Variants in BRI3BP observed in about 807,000 individuals in gnomAD.
BRI3BP encodes the protein BRI3-binding protein.
In BRI3BP, 7 loss-of-function variants were observed where a neutral mutation model predicts 15.8. That is an observed-to-expected ratio of 0.44 (90% CI 0.25 to 0.83). The LOEUF (loss-of-function observed/expected upper bound fraction) is 0.83. Ranked by LOEUF, BRI3BP falls within the 40% of genes least tolerant of loss-of-function variation. The pLI is 0.20. For synonymous variants in BRI3BP, 192 were observed against 163.5 expected (o/e 1.17, Z -1.33); for missense variants, 320 against 339.3 (o/e 0.94, Z 0.45).
chr12:125,017,017 TTA>T lies in BRI3BP; in HGVS notation c.316+4383_316+4384del, dbSNP rs200018189. 8.0e-3 allele frequency among the ~76,000 whole-genome samples: 1,187 copies of T among 147,718 alleles called. 17 individuals are homozygous for T. Among genetic ancestry groups the T allele is most frequent in the African/African-American group, 0.027 (1,105 of 40,520 alleles). ...CATCTGGCTAACGTTTGTATTATTA[TTA>T]TTATTTTTTTTTTTCTGAGACCGAG... is the stretch of plus-strand genomic sequence containing the variant. On this transcript the variant is annotated intron_variant, in intron 2 of 2. Coordinates refer to ENST00000341446, the MANE Select transcript of BRI3BP (RefSeq NM_080626.6).
intron 2 of BRI3BP, among the ~76,000 whole-genome samples, chr12:125,016,945 C>T (rs563235464): frequency 1.3e-5 from 2 of 150,508 alleles, no homozygotes; most frequent in African/African-American, 4.9e-5. Flanking sequence ...AGGTGATCCT[C>T]CCACCTCAGC....
chr12:125,020,211 G>C lies in BRI3BP; in HGVS notation c.317-4780G>C, dbSNP rs112888580. Among the ~76,000 whole-genome samples, 36 of 152,252 alleles carry C rather than the reference G, an allele frequency of 2.4e-4. 1 individual carries two copies. The highest frequency in any genetic ancestry group is 7.9e-4 in the African/African-American group (33 of 41,550). On this transcript the variant is annotated intron_variant, in intron 2 of 2. Coordinates refer to ENST00000341446, the MANE Select transcript of BRI3BP (RefSeq NM_080626.6). ...TCTGCCCACCTTGGCCTCCCAAAGA[G>C]CTGGGATTACAGGCATGAGCCACCG...
intron 1 of BRI3BP, among the ~76,000 whole-genome samples, chr12:124,998,287 CA>C (rs1955057393): frequency 6.6e-6 from 1 of 151,892 alleles, no homozygotes; most frequent in African/African-American, 2.4e-5. Flanking sequence ...GACTCCGTCT[CA>C]AAAAAAATTA....
intron 2 of BRI3BP, among the ~76,000 whole-genome samples, chr12:125,017,505 CTTATAA>C (rs1398306081): frequency 6.6e-6 from 1 of 152,188 alleles, no homozygotes; most frequent in Non-Finnish European, 1.5e-5. Context: ...TTAAAAACAA[CTTATAA>C]TTAATAGAAA....
At chr12:125,022,864 G>A (rs1955312961) in intron 2 of BRI3BP, among the ~76,000 whole-genome samples, 1 of 152,016 alleles carries the variant, frequency 6.6e-6, no homozygotes, top group South Asian at 2.1e-4. Flanking sequence ...TGGTTTTGAG[G>A]TGAATGATGT....
intron 2 of BRI3BP, among the ~76,000 whole-genome samples, chr12:125,019,498 T>G (rs1308161514): frequency 6.6e-6 from 1 of 152,106 alleles, no homozygotes; most frequent in East Asian, 1.9e-4. Flanking sequence ...AGTTCCTCTC[T>G]TCTCCCGTAA....
chr12:125,020,543 T>C (rs1376174666), intron 2 of BRI3BP, among the ~76,000 whole-genome samples: 2 of 152,238 alleles, frequency 1.3e-5, no homozygotes, highest in Non-Finnish European at 2.9e-5. Context: ...GCCTAGCATC[T>C]GTAATGGGTT....
chr12:125,032,070 AC>A (rs751195267), downstream of BRI3BP, among the ~76,000 whole-genome samples: 83 of 152,214 alleles, frequency 5.5e-4, no homozygotes, highest in Admixed American at 9.2e-4. Context: ...GCACTGGAGG[AC>A]GTGCAGTAGG....
intron 2 of BRI3BP, among the ~76,000 whole-genome samples, chr12:125,024,248 A>G (rs988161410): frequency 1.4e-4 from 16 of 114,278 alleles, no homozygotes; most frequent in African/African-American, 7.0e-4. Context: ...AAACCATCAG[A>G]TCTCATGAAA....
downstream of BRI3BP, among the ~76,000 whole-genome samples, chr12:125,032,867 G>T (rs1048703938): frequency 1.3e-5 from 2 of 152,208 alleles, no homozygotes; most frequent in Non-Finnish European, 2.9e-5. Flanking sequence ...ATCGGATGGG[G>T]ATTAAGAGGA....
intron 2 of BRI3BP, among the ~76,000 whole-genome samples, chr12:125,023,198 T>A (rs977990955): frequency 6.6e-6 from 1 of 152,176 alleles, no homozygotes; most frequent in Non-Finnish European, 1.5e-5. Flanking sequence ...TTCCCTCTTA[T>A]ATGAAAGTTC....
At chr12:124,997,092 C>T (rs1437825286) in intron 1 of BRI3BP, among the ~76,000 whole-genome samples, 1 of 151,452 alleles carries the variant, frequency 6.6e-6, no homozygotes, top group East Asian at 1.9e-4. Context: ...GTCTGAAATA[C>T]ACCTATGACC....
chr12:125,012,860 T>C (rs78935956), intron 2 of BRI3BP, among the ~76,000 whole-genome samples: 4,496 of 152,150 alleles, frequency 0.03, 219 homozygotes, highest in African/African-American at 0.1. Context: ...GGAGGGTTGC[T>C]TGAACCCAAG....
intron 1 of BRI3BP, among the ~76,000 whole-genome samples, chr12:125,007,738 G>A (rs926182421): frequency 2.0e-5 from 3 of 151,672 alleles, no homozygotes; most frequent in Non-Finnish European, 2.9e-5. Flanking sequence ...AAAAAAGAGC[G>A]TACATTCTGT....
At chr12:125,018,193 T>C (rs1389349789) in intron 2 of BRI3BP, among the ~76,000 whole-genome samples, 1 of 152,132 alleles carries the variant, frequency 6.6e-6, no homozygotes, top group East Asian at 1.9e-4. Context: ...TTGACAAGTG[T>C]GCAGGTGTAA....
chr12:125,012,763 T>A, intron 2 of BRI3BP, 127 bp downstream of exon 2: 1 of 709,874 alleles, frequency 1.4e-6, no homozygotes, highest in East Asian at 2.7e-5. Flanking sequence ...AGGATATGAG[T>A]GAACATTTTT....
At chr12:125,032,189 G>A (rs919567036), downstream of BRI3BP, among the ~76,000 whole-genome samples, 1 of 152,186 alleles carries the variant, frequency 6.6e-6, no homozygotes, top group Non-Finnish European at 1.5e-5. Context: ...TTGGCCGGGT[G>A]AGGTGGCTCA....
intron 1 of BRI3BP, among the ~76,000 whole-genome samples, chr12:125,005,896 A>C (rs1407737460): frequency 1.3e-5 from 2 of 152,094 alleles, no homozygotes; most frequent in East Asian, 1.9e-4. Flanking sequence ...TGTGCACTGC[A>C]GCCCAGTCGC....
At chr12:125,041,868 CT>C in the BRI3BP span, among the ~76,000 whole-genome samples, 1 of 152,058 alleles carries the variant, frequency 6.6e-6, no homozygotes, top group Non-Finnish European at 1.5e-5. Flanking sequence ...AATGTTTTAA[CT>C]TTTTTGTAGA....
Sources: gnomAD v4.1 joint callset for allele counts (sites outside exome capture counted in the v4.1 genomes callset) on GRCh38, gnomAD v4.1.1 for gene constraint, MANE v1.5 for transcripts, NCBI Gene and HGNC (gene_info 2026-07-23, HGNC 2026-07-21) for gene names.